Variants in JAKMIP1 observed in about 807,000 individuals in gnomAD.
The protein encoded by JAKMIP1 is janus kinase and microtubule interacting protein 1, also known as janus kinase and microtubule-interacting protein 1.
JAKMIP1 carries 33 observed loss-of-function variants against 113.0 expected under a neutral mutation model. The observed-to-expected ratio is 0.29, with a 90% CI of 0.22 to 0.39. The LOEUF (loss-of-function observed/expected upper bound fraction) is 0.39, where lower values mean the gene tolerates loss of function less well. Ranked by LOEUF, JAKMIP1 falls within the 10% of genes least tolerant of loss-of-function variation. The probability of loss-of-function intolerance (pLI) is 1.00; values close to 1 mark genes in which losing one functional copy is unlikely to be tolerated. For missense variants in JAKMIP1, 813 were observed against 1,080.5 expected (o/e 0.75, Z 3.47); for synonymous variants, 480 against 459.9 (o/e 1.04, Z -0.56).
At chr4:6,113,982 C>A (rs1437307060) in intron 1 of JAKMIP1, among the ~76,000 whole-genome samples, 1 of 152,204 alleles carries the variant, frequency 6.6e-6, no homozygotes, top group Non-Finnish European at 1.5e-5. Context: ...CCATCATGTG[C>A]CAGGGCCTGT....
At chr4:6,146,539 C>T (rs1237454919) in intron 1 of JAKMIP1, among the ~76,000 whole-genome samples, 1 of 152,136 alleles carries the variant, frequency 6.6e-6, no homozygotes, top group African/African-American at 2.4e-5. Context: ...AGCGATCCTC[C>T]CGCCTCAGCC....
At chr4:6,128,017 C>T (rs913916315) in intron 1 of JAKMIP1, among the ~76,000 whole-genome samples, 6 of 152,186 alleles carry the variant, frequency 3.9e-5, no homozygotes, top group African/African-American at 1.4e-4. Flanking sequence ...GCCCCATCTG[C>T]CTTTCACAGG....
chr4:6,041,538 C>A (rs1445213350), intron 17 of JAKMIP1, among the ~76,000 whole-genome samples: 1 of 152,172 alleles, frequency 6.6e-6, no homozygotes, highest in Non-Finnish European at 1.5e-5. Flanking sequence ...CCTTCTCTGT[C>A]CTCCCCAGGC....
chr4:6,103,924 C>T (rs1389653130), intron 3 of JAKMIP1, among the ~76,000 whole-genome samples: 1 of 152,040 alleles, frequency 6.6e-6, no homozygotes, highest in Admixed American at 6.6e-5. Flanking sequence ...TTTTAATTAA[C>T]TCTTGAATTT....
intron 20 of JAKMIP1, among the ~76,000 whole-genome samples, chr4:6,026,715 C>T (rs1711868176): frequency 6.6e-6 from 1 of 151,966 alleles, no homozygotes; most frequent in South Asian, 2.1e-4. Flanking sequence ...CACTCAAGGT[C>T]ACCCAGTCCA....
At chr4:6,196,290 A>G (rs1242514639) in intron 1 of JAKMIP1, among the ~76,000 whole-genome samples, 3 of 152,142 alleles carry the variant, frequency 2.0e-5, no homozygotes, top group African/African-American at 2.4e-5. Flanking sequence ...CCCACCTCCT[A>G]CAGGGCTTCC....
chr4:6,032,903 G>A (rs763703114), intron 19 of JAKMIP1, among the ~76,000 whole-genome samples: 1 of 152,166 alleles, frequency 6.6e-6, no homozygotes, highest in Admixed American at 6.5e-5. Flanking sequence ...GGAAGGCTTC[G>A]GCAGAGAAAG....
chr4:6,049,758 C>T lies in JAKMIP1; in HGVS notation c.1962+61G>A. The T allele has an allele frequency of 8.0e-7, 1 of 1,247,312 alleles. No homozygotes were observed. Among genetic ancestry groups the T allele is most frequent in the Admixed American group, 1.8e-5 (1 of 55,894 alleles). 77.3% of individuals were successfully genotyped at this position (1,247,312 alleles called of 1,614,324 possible). Reference sequence around the variant, plus strand: ...TAAAAACAAAACAAAACAAAAGTCACACAGAATACACCCAGATCAAAACAA... The same window carrying T: ...TAAAAACAAAACAAAACAAAAGTCATACAGAATACACCCAGATCAAAACAA... On this transcript the variant is annotated intron_variant, in intron 15 of 20. Transcript: ENST00000409021. This position sits in a 1 kb window ranked among gnomAD's most constrained non-coding sequence, Gnocchi z 7.0.
Position 6,050,000 on chromosome 4 carries a change from C to A in JAKMIP1, c.1909-128G>T. On this transcript the variant is annotated intron_variant, in intron 14 of 20. Coordinates refer to ENST00000409021, the MANE Select transcript of JAKMIP1 (RefSeq NM_001099433.2). The surrounding 1 kb of genome is among the most constrained non-coding windows in gnomAD (Gnocchi z 7.0). ...TCTTTTCTTTTCTGGCCAAGTTTTG[C>A]GCCCAGCCGTTCCTCTGGGGAGTGA... 1 of 669,474 alleles carries A rather than the reference C, an allele frequency of 1.5e-6. No individual in the cohort carries two copies. The highest frequency in any genetic ancestry group is 1.8e-5 in the South Asian group (1 of 54,794). 41.5% of individuals were successfully genotyped at this position (669,474 alleles called of 1,614,324 possible). A position where few individuals can be genotyped will look rare whatever the true frequency, so the allele number is the denominator to read the frequency against.
chr4:6,195,566 AT>A (rs1727747468), intron 1 of JAKMIP1, among the ~76,000 whole-genome samples: 1 of 152,214 alleles, frequency 6.6e-6, no homozygotes, highest in East Asian at 1.9e-4. Flanking sequence ...GCTAATAAAA[AT>A]ATAAATCTCC....
At chr4:6,190,284 A>C (rs761714915) in intron 1 of JAKMIP1, among the ~76,000 whole-genome samples, 4 of 152,212 alleles carry the variant, frequency 2.6e-5, no homozygotes, top group Non-Finnish European at 5.9e-5. Context: ...ACTATAGTGA[A>C]GCAGATTAAC....
Position 6,143,623 on chromosome 4 carries a change from G to C in JAKMIP1, c.-147-30626C>G, listed in dbSNP as rs190150396. 1.1e-4 allele frequency among the ~76,000 whole-genome samples: 17 copies of C among 152,316 alleles called. No individual in the cohort carries two copies. In the East Asian group the frequency reaches 2.7e-3, roughly 24 times the overall value. ...CCTAGAACAGCAGTTCTCTGAGTGA[G>C]ATCCTTAGACCAGCAGCATCTGCAT... On this transcript the variant is annotated intron_variant, in intron 1 of 20. Coordinates refer to ENST00000409021, the MANE Select transcript of JAKMIP1 (RefSeq NM_001099433.2). This position sits in a 1 kb window ranked among gnomAD's most constrained non-coding sequence, Gnocchi z 4.9.
At chr4:6,028,761 C>A (rs778172675) in intron 20 of JAKMIP1, among the ~76,000 whole-genome samples, 1 of 152,260 alleles carries the variant, frequency 6.6e-6, no homozygotes, top group Non-Finnish European at 1.5e-5. Flanking sequence ...TCTTCGAGCA[C>A]AGGCATGCCG....
Position 6,098,670 on chromosome 4 carries a change from GAGAA to G in JAKMIP1, c.624+6799_624+6802del, listed in dbSNP as rs757166386. On this transcript the variant is annotated intron_variant, in intron 3 of 20. Transcript: ENST00000409021. The stretch of plus-strand genomic sequence containing the variant: ...AAAGGAAAGGAAAGGAAGAAAGAGA[GAGAA>G]AGAAAGAAAGAAAGAAAGAAAGAAA... Among the ~76,000 whole-genome samples the G allele has an allele frequency of 1.7e-3, 171 of 100,450 alleles. 1 individual carries two copies. Among genetic ancestry groups the G allele is most frequent in the African/African-American group, 8.2e-3 (164 of 19,994 alleles). The allele number at this position is 100,450 out of a possible 152,430, so 65.9% of individuals were successfully genotyped here.
intron 1 of JAKMIP1, among the ~76,000 whole-genome samples, chr4:6,119,949 G>A (rs2108906186): frequency 6.6e-6 from 1 of 152,292 alleles, no homozygotes; most frequent in South Asian, 2.1e-4. Context: ...AAGTAACATA[G>A]GCACAAAAAG....
chr4:6,163,567 C>T (rs1013688513), intron 1 of JAKMIP1, among the ~76,000 whole-genome samples: 1 of 152,210 alleles, frequency 6.6e-6, no homozygotes, highest in Non-Finnish European at 1.5e-5. Context: ...CTACAATAGC[C>T]TCTAAGTGTT....
chr4:6,046,064 C>A (rs1019347680), intron 16 of JAKMIP1, among the ~76,000 whole-genome samples: 1 of 152,174 alleles, frequency 6.6e-6, no homozygotes, highest in Non-Finnish European at 1.5e-5. Flanking sequence ...CAGTGCCTGT[C>A]GGCTCTAGGG....
intron 3 of JAKMIP1, among the ~76,000 whole-genome samples, chr4:6,100,395 T>G (rs1712803663): frequency 6.6e-6 from 1 of 152,226 alleles, no homozygotes; most frequent in Non-Finnish European, 1.5e-5. Context: ...AGAAATGTTA[T>G]AGATATTGAA....
chr4:6,160,914 G>A (rs998350604), intron 1 of JAKMIP1, among the ~76,000 whole-genome samples: 2 of 132,560 alleles, frequency 1.5e-5, no homozygotes, highest in African/African-American at 5.9e-5. Flanking sequence ...TAACCTCCCC[G>A]ATCTCCACTC....
Sources: allele counts gnomAD v4.1 joint callset (sites outside exome capture counted in the v4.1 genomes callset), GRCh38; gene constraint gnomAD v4.1.1; non-coding constraint Gnocchi (gnomAD v3.1); transcripts MANE v1.5; gene names NCBI Gene and HGNC (gene_info 2026-07-23, HGNC 2026-07-21).